Variants in DUSP22 observed in about 807,000 individuals in gnomAD.
DUSP22 encodes the protein dual specificity phosphatase 22.
DUSP22 carries 24 observed loss-of-function variants against 24.5 expected under a neutral mutation model. The ratio of observed to expected loss-of-function variants is 0.98; its 90% confidence interval spans 0.71 to 1.38. The LOEUF is 1.38. Among genes scored for constraint, DUSP22 ranks in the 40% most tolerant of loss-of-function variants. DUSP22 has a pLI of 0.00. For missense variants in DUSP22, 330 were observed against 269.2 expected (o/e 1.23, Z -1.58); for synonymous variants, 160 against 106.4 (o/e 1.50, Z -3.10).
rs376960207 is a variant in DUSP22 at position 350,896 on chromosome 6, A to G, written c.*1945A>G. 7.4e-6 allele frequency: 12 copies of G among 1,613,862 alleles called. No individual in the cohort carries two copies. The East Asian group carries it at 1.8e-4, about 24-fold the overall frequency. ...TACCTGAAGTTTCTGAAATATTGCA[A>G]ACCCACAGAGTTTAGGCTGGTGCTG... On this transcript the variant is annotated 3_prime_UTR_variant, in exon 7 of 7. Transcript: ENST00000419235.
intron 3 of DUSP22, among the ~76,000 whole-genome samples, chr6:328,541 A>G (rs892768121): frequency 2.0e-5 from 3 of 152,304 alleles, no homozygotes; most frequent in Non-Finnish European, 4.4e-5. Context: ...CACAGTATCA[A>G]ACCAGAGGCT....
chr6:330,568 C>T (rs780538637), intron 3 of DUSP22, among the ~76,000 whole-genome samples: 3 of 152,302 alleles, frequency 2.0e-5, no homozygotes, highest in Non-Finnish European at 4.4e-5. Context: ...GCCTCCGTAT[C>T]GTTTTAAGTG....
chr6:301,751 G>A (rs192190301), intron 1 of DUSP22, among the ~76,000 whole-genome samples: 792 of 152,196 alleles, frequency 5.2e-3, no homozygotes, highest in Middle Eastern at 0.027. Flanking sequence ...GGAGAAGGTG[G>A]CACCATCAGG....
rs79181140 is a variant in DUSP22, at chr6:349,781, G to A, written c.*830G>A. 31 of 985,850 alleles carry A rather than the reference G, an allele frequency of 3.1e-5. No individual in the cohort carries two copies. The highest frequency in any genetic ancestry group is 1.1e-4 in the East Asian group (1 of 8,844). 61.1% of individuals were successfully genotyped at this position (985,850 alleles called of 1,614,324 possible). On this transcript the variant is annotated 3_prime_UTR_variant, in exon 7 of 7. Coordinates refer to ENST00000419235, the MANE Select transcript of DUSP22 (RefSeq NM_001286555.3). ...AGTCAAGGCCACTTTTCAGCCCATC[G>A]AGCCCTGAGTTCTACTTGGTGTTTG...
At position 351,016 on chromosome 6, in the gene DUSP22, G is replaced by A; in HGVS notation, c.*2065G>A. 2 of 1,170,352 alleles carry A rather than the reference G, an allele frequency of 1.7e-6. No homozygotes were observed. Among genetic ancestry groups the A allele is most frequent in the South Asian group, 2.7e-5 (2 of 73,818 alleles). 72.5% of individuals were successfully genotyped at this position (1,170,352 alleles called of 1,614,324 possible). On this transcript the variant is annotated 3_prime_UTR_variant, in exon 7 of 7. Transcript: ENST00000419235. Reference sequence around the variant, plus strand: ...TGAATATATACGTAGTCATGTTTATGTTGAGAACTAAGGATATTCTTTAGC... The same window carrying A: ...TGAATATATACGTAGTCATGTTTATATTGAGAACTAAGGATATTCTTTAGC...
intron 2 of DUSP22, among the ~76,000 whole-genome samples, chr6:309,679 A>AACACACACACACACACACAC (rs759885887): frequency 9.4e-5 from 13 of 138,532 alleles, no homozygotes; most frequent in East Asian, 4.2e-4. Flanking sequence ...ACTCATGTAG[A>AACACACACACACACACACAC]ACACACACAC....
intron 1 of DUSP22, among the ~76,000 whole-genome samples, chr6:295,662 T>C (rs931819122): frequency 6.6e-6 from 1 of 152,122 alleles, no homozygotes; most frequent in Admixed American, 6.6e-5. Context: ...GCCGAGTGTG[T>C]GGTGGCTTGT....
intron 4 of DUSP22, among the ~76,000 whole-genome samples, chr6:340,034 G>T (rs1759533530): frequency 6.6e-6 from 1 of 152,304 alleles, no homozygotes; most frequent in Non-Finnish European, 1.5e-5. Context: ...CCACTTAAAA[G>T]AACTATCGTT....
intron 3 of DUSP22, among the ~76,000 whole-genome samples, chr6:316,668 T>A (rs372062585): frequency 1.2e-3 from 189 of 152,354 alleles, no homozygotes; most frequent in African/African-American, 4.2e-3. Flanking sequence ...CTCTTTCTAA[T>A]GTAAAAATTT....
chr6:349,982 T>C lies in DUSP22; in HGVS notation c.*1031T>C, dbSNP rs932756508. On this transcript the variant is annotated 3_prime_UTR_variant, in exon 7 of 7. Transcript: ENST00000419235. The stretch of plus-strand genomic sequence containing the variant: ...CAACATTTGCATGCACCTGCAAGAA[T>C]TGGGAAGAAAGAGCATTTATTAGGC... 2.0e-6 allele frequency: 2 copies of C among 985,738 alleles called. No homozygotes were observed. The highest frequency in any genetic ancestry group is 1.1e-4 in the East Asian group (1 of 8,826). 61.1% of individuals were successfully genotyped at this position (985,738 alleles called of 1,614,324 possible).
chr6:325,230 A>G (rs895887004), intron 3 of DUSP22: 9 of 253,600 alleles, frequency 3.5e-5, no homozygotes, highest in African/African-American at 1.7e-4. Context: ...TGGTGTGTGC[A>G]GTGCTATATC....
intron 6 of DUSP22, 73 bp downstream of exon 6, chr6:348,347 C>G (rs1759990894): frequency 6.3e-7 from 1 of 1,590,606 alleles, no homozygotes; most frequent in African/African-American, 1.3e-5. Flanking sequence ...TTTCCGTACA[C>G]AGCCAGCATC....
At chr6:348,587 G>T in intron 6 of DUSP22, 182 bp from the exon 7 acceptor site, 1 of 1,078,994 alleles carries the variant, frequency 9.3e-7, no homozygotes, top group East Asian at 2.5e-5. Flanking sequence ...GCACCTTGAA[G>T]GAGCAGTTCC....
intron 6 of DUSP22, 149 bp from the exon 7 acceptor site, chr6:348,620 G>T: frequency 7.3e-7 from 1 of 1,374,680 alleles, no homozygotes; most frequent in Non-Finnish European, 1.0e-6. Context: ...ACCCTGGCTG[G>T]CCAACCACAG....
intron 3 of DUSP22, among the ~76,000 whole-genome samples, chr6:327,560 G>A (rs112882910): frequency 0.018 from 2,764 of 151,572 alleles, 3 homozygotes; most frequent in Non-Finnish European, 0.027. Flanking sequence ...GTGGGAGTTC[G>A]AGGAATCTGG....
intron 3 of DUSP22, among the ~76,000 whole-genome samples, chr6:319,626 T>C (rs1459061288): frequency 1.3e-5 from 2 of 152,298 alleles, no homozygotes; most frequent in Non-Finnish European, 2.9e-5. Flanking sequence ...GCGTTGGCCA[T>C]TGTTTCCAGC....
intron 1 of DUSP22, 138 bp from the exon 2 acceptor site, chr6:304,490 C>T (rs926020522): frequency 1.1e-4 from 146 of 1,294,668 alleles, no homozygotes; most frequent in South Asian, 3.9e-4. Context: ...TTGGGTCACC[C>T]GCGTGTCTGT....
intron 2 of DUSP22, 40 bp from the exon 3 acceptor site, chr6:311,840 C>T: frequency 6.3e-7 from 1 of 1,582,512 alleles, no homozygotes; most frequent in Non-Finnish European, 8.6e-7. Context: ...AATTAACTTG[C>T]AAAGATATCA....
chr6:334,106 T>G (rs1410666330), intron 3 of DUSP22, among the ~76,000 whole-genome samples: 2 of 152,428 alleles, frequency 1.3e-5, no homozygotes, highest in Admixed American at 1.3e-4. Flanking sequence ...GCGTTGTAAC[T>G]CCATCTTCTG....
Sources: allele counts gnomAD v4.1 joint callset (sites outside exome capture counted in the v4.1 genomes callset), GRCh38; gene constraint gnomAD v4.1.1; transcripts MANE v1.5; gene names NCBI Gene and HGNC (gene_info 2026-07-23, HGNC 2026-07-21).